The following BMP5 variants were observed in gnomAD, a reference collection of about 807,000 sequenced individuals.
BMP5 encodes the protein bone morphogenetic protein 5.
In BMP5, 23 loss-of-function variants were observed where a neutral mutation model predicts 46.6. The ratio of observed to expected loss-of-function variants is 0.49; its 90% CI spans 0.35 to 0.70. BMP5 has a LOEUF of 0.70. Ranked by LOEUF, BMP5 falls within the 30% of genes least tolerant of loss-of-function variation. The pLI is 0.00. For missense variants in BMP5, 545 were observed against 565.6 expected (o/e 0.96, Z 0.37); for synonymous variants, 204 against 191.9 (o/e 1.06, Z -0.52).
At chr6:55,853,200 AATAAAATAAAATAAAATAAG>A (rs1777295666) in intron 1 of BMP5, among the ~76,000 whole-genome samples, 2 of 117,336 alleles carry the variant, frequency 1.7e-5, no homozygotes, top group African/African-American at 6.9e-5. Context: ...AATAAAATAA[AATAAAATAAAATAAAATAAG>A]ATAAAATACA....
intron 2 of BMP5, among the ~76,000 whole-genome samples, chr6:55,801,670 C>A (rs1307923217): frequency 1.3e-5 from 2 of 152,216 alleles, no homozygotes; most frequent in African/African-American, 2.4e-5. Flanking sequence ...GGATAAATCT[C>A]CACTTTGCTC....
At chr6:55,820,022 C>T (rs1381684638) in intron 1 of BMP5, among the ~76,000 whole-genome samples, 175 bp from the exon 2 acceptor site, 1 of 152,046 alleles carries the variant, frequency 6.6e-6, no homozygotes, top group Non-Finnish European at 1.5e-5. Context: ...TTCCACAAAC[C>T]AACAGCCTTT....
At chr6:55,759,171 A>AAAAAAAAAAAAAAAAAC in intron 5 of BMP5, 56 bp from the exon 6 acceptor site, 1 of 829,912 alleles carries the variant, frequency 1.2e-6, no homozygotes, top group South Asian at 1.7e-5. Flanking sequence ...AAAAAAAAAA[A>AAAAAAAAAAAAAAAAAC]AAAAAAAAAA....
At chr6:55,847,071 C>A (rs1459553229) in intron 1 of BMP5, among the ~76,000 whole-genome samples, 3 of 151,710 alleles carry the variant, frequency 2.0e-5, no homozygotes, top group Non-Finnish European at 4.4e-5. Flanking sequence ...ACCCTCTATT[C>A]CATTATCTCA....
At chr6:55,799,807 A>C (rs1775800813) in intron 2 of BMP5, among the ~76,000 whole-genome samples, 1 of 152,114 alleles carries the variant, frequency 6.6e-6, no homozygotes, top group Non-Finnish European at 1.5e-5. Flanking sequence ...TCTGTTCCTA[A>C]GTCCCTATTA....
At chr6:55,827,113 T>G (rs931362977) in intron 1 of BMP5, among the ~76,000 whole-genome samples, 3 of 151,760 alleles carry the variant, frequency 2.0e-5, no homozygotes, top group Non-Finnish European at 4.4e-5. Context: ...AATAGAACAC[T>G]GGGAACACAC....
At chr6:55,777,328 A>T (rs965892181) in intron 3 of BMP5, among the ~76,000 whole-genome samples, 9 of 151,990 alleles carry the variant, frequency 5.9e-5, no homozygotes, top group Admixed American at 5.9e-4. Context: ...ATATTATTAA[A>T]CATACAGTAT....
intron 2 of BMP5, among the ~76,000 whole-genome samples, chr6:55,804,231 T>C (rs974439122): frequency 6.6e-6 from 1 of 152,284 alleles, no homozygotes; most frequent in South Asian, 2.1e-4. Flanking sequence ...TATTTCAATA[T>C]AACCAGTATC....
In BMP5 at chr6:55,874,763, G is replaced by C; in HGVS notation, c.103C>G (p.His35Asp). ...AKGGLGDNHV[H>D]SSFIYRRLRN... ...AGTCTTCTATAAATAAAACTGGAGT[G>C]AACATGATTGTCTCCCAAACCTCCT... Residue 35 changes from histidine to aspartate, a missense_variant, in exon 1 of 7, where the codon CAC (histidine) becomes GAC (aspartate). By Grantham distance (81) the His-to-Asp change is moderately conservative. Transcript: ENST00000370830. 1 of 1,613,388 alleles carries C rather than the reference G, an allele frequency of 6.2e-7. No homozygotes were observed. Among genetic ancestry groups the C allele is most frequent in the Non-Finnish European group, 8.5e-7 (1 of 1,179,614 alleles).
intron 4 of BMP5, among the ~76,000 whole-genome samples, chr6:55,771,245 T>G (rs2127520025): frequency 6.6e-6 from 1 of 152,040 alleles, no homozygotes; most frequent in Non-Finnish European, 1.5e-5. Context: ...TAAAAAAATC[T>G]TATCCACCTA....
intron 4 of BMP5, among the ~76,000 whole-genome samples, chr6:55,762,583 A>C (rs570140768): frequency 6.6e-6 from 1 of 152,158 alleles, no homozygotes; most frequent in Admixed American, 6.6e-5. Context: ...TCAGGGAAAT[A>C]TCTCCCTTGC....
chr6:55,780,885 A>G (rs1775300440), intron 3 of BMP5, among the ~76,000 whole-genome samples: 1 of 152,004 alleles, frequency 6.6e-6, no homozygotes, highest in South Asian at 2.1e-4. Flanking sequence ...GAAATGTTTT[A>G]TTGCATGGAG....
At chr6:55,803,148 G>C (rs528076190) in intron 2 of BMP5, among the ~76,000 whole-genome samples, 1 of 137,176 alleles carries the variant, frequency 7.3e-6, no homozygotes, top group South Asian at 2.8e-4. Flanking sequence ...TAGCTGGGGT[G>C]GGGGGGTGGG....
At chr6:55,824,375 C>A (rs1269507011) in intron 1 of BMP5, among the ~76,000 whole-genome samples, 1 of 151,774 alleles carries the variant, frequency 6.6e-6, no homozygotes, top group Non-Finnish European at 1.5e-5. Context: ...TTACATCAAC[C>A]AAATACCATG....
chr6:55,812,226 A>G (rs1237168171), intron 2 of BMP5, among the ~76,000 whole-genome samples: 10 of 152,232 alleles, frequency 6.6e-5, no homozygotes, highest in Admixed American at 6.5e-4. Flanking sequence ...TTTACCAAGT[A>G]AAATATAGAT....
intron 2 of BMP5, among the ~76,000 whole-genome samples, chr6:55,804,380 G>T (rs1299616252): frequency 6.6e-6 from 1 of 152,128 alleles, no homozygotes; most frequent in Non-Finnish European, 1.5e-5. Flanking sequence ...GATGAAAACG[G>T]GAAGGAAGCA....
At chr6:55,825,849 A>C (rs927620850) in intron 1 of BMP5, among the ~76,000 whole-genome samples, 4 of 151,910 alleles carry the variant, frequency 2.6e-5, no homozygotes, top group African/African-American at 9.7e-5. Context: ...AAATAGCAGC[A>C]GTAGCTGTAA....
chr6:55,871,373 C>A (rs1051906066), intron 1 of BMP5, among the ~76,000 whole-genome samples: 1 of 151,670 alleles, frequency 6.6e-6, no homozygotes, highest in African/African-American at 2.4e-5. Context: ...ATAAAAGTGG[C>A]CTAAGAATAA....
intron 1 of BMP5, among the ~76,000 whole-genome samples, chr6:55,839,443 A>C (rs1404034400): frequency 6.6e-6 from 1 of 152,012 alleles, no homozygotes; most frequent in Non-Finnish European, 1.5e-5. Context: ...CAGCCTCCCA[A>C]GTAGGGAGGA....
Sources: gnomAD v4.1 joint callset for allele counts (sites outside exome capture counted in the v4.1 genomes callset) on GRCh38, gnomAD v4.1.1 for gene constraint, MANE v1.5 for transcripts, NCBI Gene and HGNC (gene_info 2026-07-23, HGNC 2026-07-21) for gene names.